TNKS: variants seen among roughly 807,000 people sequenced by gnomAD.
TNKS encodes the protein tankyrase.
TNKS carries 72 observed loss-of-function variants against 135.8 expected under a neutral mutation model. The ratio of observed to expected loss-of-function variants is 0.53; its 90% CI spans 0.44 to 0.64. The LOEUF (loss-of-function observed/expected upper bound fraction) is 0.64, where lower values mean the gene tolerates loss of function less well. Among genes scored for constraint, TNKS ranks in the 30% least tolerant of loss-of-function variants. TNKS has a pLI of 0.00. For missense variants in TNKS, 1,769 were observed against 1,674.0 expected (o/e 1.06, Z -0.99); for synonymous variants, 849 against 649.3 (o/e 1.31, Z -4.68).
At chr8:9,735,624 C>A in intron 17 of TNKS, 138 bp downstream of exon 17, 5 of 647,522 alleles carry the variant, frequency 7.7e-6, no homozygotes, top group East Asian at 2.7e-5. Flanking sequence ...CACGGTGAAA[C>A]CCCGTCTCTA....
intron 5 of TNKS, among the ~76,000 whole-genome samples, chr8:9,702,486 A>G (rs1210874423): frequency 6.6e-6 from 1 of 152,250 alleles, no homozygotes; most frequent in Non-Finnish European, 1.5e-5. Flanking sequence ...CTTGAAACAA[A>G]GCAAGACAGA....
At chr8:9,674,808 C>G (rs1802468037) in intron 3 of TNKS, among the ~76,000 whole-genome samples, 1 of 152,134 alleles carries the variant, frequency 6.6e-6, no homozygotes, top group Admixed American at 6.5e-5. Context: ...ATACTCTGTT[C>G]AAACTTAGAA....
intron 3 of TNKS, among the ~76,000 whole-genome samples, chr8:9,617,617 C>G (rs1439014552): frequency 6.6e-6 from 1 of 152,078 alleles, no homozygotes; most frequent in Non-Finnish European, 1.5e-5. Context: ...TACAGGTTCT[C>G]TAATAAGTAA....
chr8:9,671,725 A>G (rs772786863), intron 3 of TNKS, among the ~76,000 whole-genome samples: 19 of 152,226 alleles, frequency 1.2e-4, no homozygotes, highest in Non-Finnish European at 2.1e-4. Context: ...ACCATCTGAA[A>G]AGGTGAATTT....
At chr8:9,730,474 A>C (rs1805380456) in intron 13 of TNKS, among the ~76,000 whole-genome samples, 1 of 152,134 alleles carries the variant, frequency 6.6e-6, no homozygotes, top group African/African-American at 2.4e-5. Context: ...CTCACATTAG[A>C]GACGGCAAGA....
intron 2 of TNKS, among the ~76,000 whole-genome samples, chr8:9,607,440 C>T (rs1303711385): frequency 6.6e-6 from 1 of 152,068 alleles, no homozygotes; most frequent in Non-Finnish European, 1.5e-5. Context: ...TCTTTGATTC[C>T]ACATGCAAAC....
intron 13 of TNKS, among the ~76,000 whole-genome samples, 167 bp downstream of exon 13, chr8:9,726,887 T>G (rs1421772996): frequency 6.6e-6 from 1 of 152,190 alleles, no homozygotes; most frequent in Non-Finnish European, 1.5e-5. Context: ...GTATGTGCCT[T>G]GTATTTATGA....
In TNKS at chr8:9,777,448, G is replaced by T. The variant is rs557392127; in HGVS notation, c.*712G>T. On this transcript the variant is annotated 3_prime_UTR_variant, in exon 27 of 27. Coordinates refer to ENST00000310430, the MANE Select transcript of TNKS (RefSeq NM_003747.3). ...TGAATTGGCCTATCTTACAAGAGAA[G>T]GGCACAAACACCAACCTGACTTAGG... The T allele has an allele frequency of 1.3e-5, 2 of 152,220 alleles. No individual in the cohort carries two copies. The highest frequency in any genetic ancestry group is 4.8e-5 in the African/African-American group (2 of 41,436). The allele number at this position is 152,220 out of a possible 1,614,324, so 9.4% of individuals were successfully genotyped here.
At chr8:9,681,909 C>T (rs1281811661) in intron 5 of TNKS, among the ~76,000 whole-genome samples, 1 of 151,976 alleles carries the variant, frequency 6.6e-6, no homozygotes, top group African/African-American at 2.4e-5. Context: ...CGTTACATGG[C>T]CCAGTGAGTA....
chr8:9,673,355 A>T (rs1802388479), intron 3 of TNKS, among the ~76,000 whole-genome samples: 2 of 152,132 alleles, frequency 1.3e-5, no homozygotes, highest in East Asian at 3.8e-4. Context: ...ACATGAAAAT[A>T]ATATATAAAT....
intron 17 of TNKS, among the ~76,000 whole-genome samples, chr8:9,747,246 A>G (rs1806282981): frequency 6.6e-6 from 1 of 150,600 alleles, no homozygotes; most frequent in African/African-American, 2.4e-5. Flanking sequence ...AATCTTCCAG[A>G]TTCCCCCCTC....
intron 2 of TNKS, among the ~76,000 whole-genome samples, chr8:9,584,535 T>C (rs1047453047): frequency 2.6e-5 from 4 of 152,320 alleles, no homozygotes; most frequent in African/African-American, 9.6e-5. Flanking sequence ...CTCTACAGCT[T>C]CTTATGTGTT....
At chr8:9,592,386 T>C (rs1367022934) in intron 2 of TNKS, among the ~76,000 whole-genome samples, 1 of 152,208 alleles carries the variant, frequency 6.6e-6, no homozygotes, top group Non-Finnish European at 1.5e-5. Flanking sequence ...CTCATACTTT[T>C]CATATTCCCG....
intron 5 of TNKS, among the ~76,000 whole-genome samples, chr8:9,703,576 T>G (rs1269014063): frequency 6.6e-6 from 1 of 152,204 alleles, no homozygotes; most frequent in African/African-American, 2.4e-5. Flanking sequence ...AGCTGTGCAT[T>G]GCTCAAAATA....
intron 5 of TNKS, among the ~76,000 whole-genome samples, chr8:9,683,180 A>G (rs1802855036): frequency 6.6e-6 from 1 of 152,054 alleles, no homozygotes; most frequent in African/African-American, 2.4e-5. Context: ...CAGTAAAGCC[A>G]CAGGGTGTTA....
chr8:9,648,619 T>C (rs192767638), intron 3 of TNKS, among the ~76,000 whole-genome samples: 124 of 152,356 alleles, frequency 8.1e-4, no homozygotes, highest in African/African-American at 2.8e-3. Flanking sequence ...TACAACTGGC[T>C]GTGCAGGTTT....
chr8:9,648,129 TGA>T (rs1172921487), intron 3 of TNKS, among the ~76,000 whole-genome samples: 3 of 152,192 alleles, frequency 2.0e-5, no homozygotes, highest in Non-Finnish European at 4.4e-5. Flanking sequence ...GAGTGAGTGG[TGA>T]GAGAATGCGA....
At chr8:9,631,533 C>G (rs1048449398) in intron 3 of TNKS, among the ~76,000 whole-genome samples, 1 of 152,158 alleles carries the variant, frequency 6.6e-6, no homozygotes, top group African/African-American at 2.4e-5. Flanking sequence ...TTTTGATAAA[C>G]ACTCTTGTCT....
At chr8:9,726,770 C>G in intron 13 of TNKS, 50 bp downstream of exon 13, 1 of 1,421,718 alleles carries the variant, frequency 7.0e-7, no homozygotes, top group Non-Finnish European at 9.8e-7. Flanking sequence ...ACTTTGCTAA[C>G]CAATTCATTT....
Sources: allele counts gnomAD v4.1 joint callset (sites outside exome capture counted in the v4.1 genomes callset), GRCh38; gene constraint gnomAD v4.1.1; transcripts MANE v1.5; gene names NCBI Gene and HGNC (gene_info 2026-07-23, HGNC 2026-07-21).